AFF1: variants seen among roughly 807,000 people sequenced by gnomAD.
The protein encoded by AFF1 is ALF transcription elongation factor 1.
AFF1 carries 48 observed loss-of-function variants against 121.7 expected under a neutral mutation model. The ratio of observed to expected loss-of-function variants is 0.39; its 90% CI spans 0.31 to 0.50. AFF1 has a LOEUF of 0.50. Among genes scored for constraint, AFF1 ranks in the 20% least tolerant of loss-of-function variants. The pLI is 0.76. For synonymous variants in AFF1, 613 were observed against 563.0 expected, an observed-to-expected ratio of 1.09 and a Z score of -1.26; for missense variants, 1,523 against 1,511.7, an observed-to-expected ratio of 1.01 and a Z score of -0.12.
chr4:87,127,414 C>T (rs1009287197), intron 15 of AFF1, among the ~76,000 whole-genome samples: 4 of 152,110 alleles, frequency 2.6e-5, no homozygotes, highest in East Asian at 3.9e-4. Context: ...CCGCCTGCCT[C>T]GGCCTCCCAA....
chr4:87,027,113 G>A (rs1728602151), intron 2 of AFF1, among the ~76,000 whole-genome samples: 1 of 152,194 alleles, frequency 6.6e-6, no homozygotes, highest in African/African-American at 2.4e-5. Flanking sequence ...GAATACTGGG[G>A]GAGGAAATGA....
At chr4:87,019,892 G>GGGA (rs1553918056) in intron 2 of AFF1, among the ~76,000 whole-genome samples, 2 of 142,060 alleles carry the variant, frequency 1.4e-5, no homozygotes, top group Non-Finnish European at 1.5e-5. Context: ...GTCGGGGGGG[G>GGGA]GCAGTCTTGG....
chr4:87,007,402 T>G (rs752638360), intron 2 of AFF1: 1 of 1,614,052 alleles, frequency 6.2e-7, no homozygotes. Context: ...CTCTATAAGC[T>G]GAATTATGGC....
rs539172119 is a variant in AFF1 at position 87,136,933 on chromosome 4, G to A, written c.*1232G>A. ...TCACCACATGCCTTCACTCCAGAGT[G>A]TTCTCAGCTAGATTTGATTTGGTTG... On this transcript the variant is annotated 3_prime_UTR_variant, in exon 21 of 21. Coordinates refer to ENST00000395146, the MANE Select transcript of AFF1 (RefSeq NM_001166693.3). 10 of 221,228 alleles carry A rather than the reference G, an allele frequency of 4.5e-5. No homozygotes were observed. The highest frequency in any genetic ancestry group is 2.3e-4 in the Admixed American group (4 of 17,368). 13.7% of individuals were successfully genotyped at this position (221,228 alleles called of 1,614,324 possible).
rs899892837 is a variant in AFF1, at chr4:87,082,331, G to A, written c.1060-1789G>A. 5.3e-5 allele frequency among the ~76,000 whole-genome samples: 8 copies of A among 152,268 alleles called. 1 individual carries two copies. The highest frequency in any genetic ancestry group is 5.2e-4 in the Admixed American group (8 of 15,304). On this transcript the variant is annotated intron_variant, in intron 4 of 20. Coordinates refer to ENST00000395146, the MANE Select transcript of AFF1 (RefSeq NM_001166693.3). ...GTTTGTGCTAAAATAGAGCACAAAT[G>A]TTTGGTCCAGTTTTTAGGTGTTTCT...
Position 87,046,262 on chromosome 4 carries a change from T to C in AFF1, c.135T>C (p.Ile45=). 6.2e-7 allele frequency: 1 copy of C among 1,613,462 alleles called. No individual in the cohort carries two copies. The highest frequency in any genetic ancestry group is 8.5e-7 in the Non-Finnish European group (1 of 1,179,864). Residue 45 remains isoleucine, a synonymous_variant, in exon 3 of 21, where the codon ATT becomes ATC. Coordinates refer to ENST00000395146, the MANE Select transcript of AFF1 (RefSeq NM_001166693.3). ...HQEKEAFPEK[I]PLFGEPYKTA... is the part of the protein sequence containing the mutation. ...AGAAAGAGGCATTTCCTGAAAAGAT[T>C]CCCCTTTTTGGAGAGCCCTACAAGG...
intron 2 of AFF1, among the ~76,000 whole-genome samples, chr4:86,992,406 T>A (rs757328115): frequency 3.5e-4 from 54 of 152,218 alleles, no homozygotes; most frequent in Non-Finnish European, 5.7e-4. Flanking sequence ...ACACCTTCCT[T>A]GCCATTTTGC....
At chr4:87,121,566 C>G (rs1476623131) in intron 12 of AFF1, among the ~76,000 whole-genome samples, 1 of 151,864 alleles carries the variant, frequency 6.6e-6, no homozygotes, top group Non-Finnish European at 1.5e-5. Context: ...TGACAAAGTT[C>G]TAAGTGCATA....
Position 86,948,498 on chromosome 4 carries a change from A to T in AFF1, c.-36A>T. The T allele has an allele frequency of 6.5e-7, 1 of 1,534,388 alleles. No individual in the cohort carries two copies. The highest frequency in any genetic ancestry group is 8.7e-7 in the Non-Finnish European group (1 of 1,144,846). On this transcript the variant is annotated splice_region_variant and 5_prime_UTR_variant, in exon 2 of 21. It removes an upstream start codon present in the reference 5' UTR. Coordinates refer to ENST00000395146, the MANE Select transcript of AFF1 (RefSeq NM_001166693.3). ...AGGCTACTCTTTGTTTCTCTTTCAG[A>T]TGAACAGACTAGCCACTTTGCATTG...
chr4:86,987,203 T>C (rs1724355155), intron 2 of AFF1, among the ~76,000 whole-genome samples: 1 of 152,234 alleles, frequency 6.6e-6, no homozygotes, highest in African/African-American at 2.4e-5. Context: ...CTCTGTGCTC[T>C]GCTCTAGCTG....
chr4:87,071,357 G>A (rs1041557175), intron 4 of AFF1, among the ~76,000 whole-genome samples: 1 of 152,110 alleles, frequency 6.6e-6, no homozygotes, highest in African/African-American at 2.4e-5. Flanking sequence ...CTGCTCAGGG[G>A]CCTGTCTTCA....
At chr4:86,990,521 C>T (rs1181531907) in intron 2 of AFF1, among the ~76,000 whole-genome samples, 1 of 152,004 alleles carries the variant, frequency 6.6e-6, no homozygotes, top group Non-Finnish European at 1.5e-5. Flanking sequence ...GTTCTTGAGT[C>T]CCTGGAGTAC....
At chr4:87,012,217 C>CTTTTTTTTTTTTTTTT (rs68156863) in intron 2 of AFF1, among the ~76,000 whole-genome samples, 4 of 115,096 alleles carry the variant, frequency 3.5e-5, no homozygotes, top group Non-Finnish European at 7.4e-5. Context: ...CATTTCATTT[C>CTTTTTTTTTTTTTTTT]TTGTTTTTTT....
chr4:86,980,575 A>G (rs1387957551), intron 2 of AFF1, among the ~76,000 whole-genome samples: 2 of 152,240 alleles, frequency 1.3e-5, no homozygotes, highest in African/African-American at 4.8e-5. Flanking sequence ...ACTATTTTCT[A>G]CTGTTGCATA....
intron 2 of AFF1, among the ~76,000 whole-genome samples, chr4:86,971,612 C>G (rs1055840593): frequency 6.6e-6 from 1 of 152,170 alleles, no homozygotes; most frequent in African/African-American, 2.4e-5. Context: ...AGAAGCTTAT[C>G]AAAGGTCTGC....
rs1440930024 is a variant in AFF1 at position 87,134,761 on chromosome 4, ATATTT to A, written c.3535+71_3535+75del. 18 of 1,332,332 alleles carry A rather than the reference ATATTT, an allele frequency of 1.4e-5. No individual in the cohort carries two copies. The Admixed American group carries it at 1.6e-4, about 12-fold the overall frequency. 82.5% of individuals were successfully genotyped at this position (1,332,332 alleles called of 1,614,324 possible). ...GATTGGGAGGAATAAACATTGGTTT[ATATTT>A]TATAAGTTCAGTTTCTTGGAGAAAA... On this transcript the variant is annotated intron_variant, in intron 20 of 20. Coordinates refer to ENST00000395146, the MANE Select transcript of AFF1 (RefSeq NM_001166693.3).
intron 4 of AFF1, among the ~76,000 whole-genome samples, chr4:87,055,208 T>A (rs927256466): frequency 1.3e-5 from 2 of 152,186 alleles, no homozygotes; most frequent in African/African-American, 4.8e-5. Context: ...GGCAATCTTA[T>A]GAAGAAACAC....
rs566874565 is a variant in AFF1 at position 87,107,883 on chromosome 4, C to T, written c.1377-276C>T. On this transcript the variant is annotated intron_variant, in intron 10 of 20. Coordinates refer to ENST00000395146, the MANE Select transcript of AFF1 (RefSeq NM_001166693.3). The stretch of plus-strand genomic sequence containing the variant: ...TTACCAACCCTTGATATGAAGCACC[C>T]AGCATCTAACTTAAATTTTGGATCA... 9.2e-5 allele frequency among the ~76,000 whole-genome samples: 14 copies of T among 152,316 alleles called. No individual in the cohort carries two copies. The East Asian group carries it at 2.7e-3, about 29-fold the overall frequency.
chr4:87,067,217 A>G (rs1187593308), intron 4 of AFF1, among the ~76,000 whole-genome samples: 1 of 152,226 alleles, frequency 6.6e-6, no homozygotes, highest in African/African-American at 2.4e-5. Context: ...AATAAAAATA[A>G]CATCTGCATT....
Sources: allele counts gnomAD v4.1 joint callset (sites outside exome capture counted in the v4.1 genomes callset), GRCh38; gene constraint gnomAD v4.1.1; transcripts MANE v1.5; gene names NCBI Gene and HGNC (gene_info 2026-07-23, HGNC 2026-07-21).